ROBO2: variants seen among roughly 807,000 people sequenced by gnomAD.
The protein encoded by ROBO2 is roundabout guidance receptor 2, also known as roundabout homolog 2.
ROBO2 carries 53 observed loss-of-function variants against 160.8 expected under a neutral mutation model. That is an observed-to-expected ratio of 0.33 (90% CI 0.26 to 0.41). The LOEUF (loss-of-function observed/expected upper bound fraction) is 0.41, where lower values mean the gene tolerates loss of function less well. Ranked by LOEUF, ROBO2 falls within the 10% of genes least tolerant of loss-of-function variation. ROBO2 has a pLI of 1.00. For synonymous variants in ROBO2, 664 were observed against 611.7 expected, an observed-to-expected ratio of 1.09 and a Z score of -1.26; for missense variants, 1,577 against 1,722.4, an observed-to-expected ratio of 0.92 and a Z score of 1.49.
chr3:77,180,416 C>CTCTCTCTCTCTCTCTCTATATATA (rs1433740534), intron 2 of ROBO2, among the ~76,000 whole-genome samples: 133 of 90,640 alleles, frequency 1.5e-3, no homozygotes, highest in Non-Finnish European at 2.5e-3. Flanking sequence ...CTCTCTCTCT[C>CTCTCTCTCTCTCTCTCTATATATA]TATATATATA....
At chr3:77,466,687 G>A (rs930021360) in intron 2 of ROBO2, among the ~76,000 whole-genome samples, 13 of 152,146 alleles carry the variant, frequency 8.5e-5, no homozygotes, top group African/African-American at 2.9e-4. Flanking sequence ...AAAGTAACTG[G>A]CAAAGAAGGT....
At chr3:76,061,199 C>T (rs775135284) in intron 2 of ROBO2, among the ~76,000 whole-genome samples, 2 of 152,154 alleles carry the variant, frequency 1.3e-5, no homozygotes, top group Non-Finnish European at 2.9e-5. Flanking sequence ...GTTATCATTC[C>T]TAAAACCAAT....
intron 2 of ROBO2, among the ~76,000 whole-genome samples, chr3:76,958,475 C>T (rs902614120): frequency 6.6e-6 from 1 of 152,230 alleles, no homozygotes; most frequent in African/African-American, 2.4e-5. Flanking sequence ...TGTAACTTTG[C>T]TGCAGTAATT....
At chr3:76,048,743 A>G (rs4856003) in intron 2 of ROBO2, among the ~76,000 whole-genome samples, 55,834 of 152,038 alleles carry the variant, frequency 0.37, 10,788 homozygotes, top group South Asian at 0.58. Context: ...AGGGCACACA[A>G]GAGCATCCAT....
chr3:77,231,162 C>T (rs138530248), intron 2 of ROBO2, among the ~76,000 whole-genome samples: 35 of 151,816 alleles, frequency 2.3e-4, no homozygotes, highest in Non-Finnish European at 4.3e-4. Flanking sequence ...TCCAGGAGTT[C>T]GAGACCCACC....
chr3:77,292,937 C>A (rs904145797), intron 2 of ROBO2, among the ~76,000 whole-genome samples: 2 of 142,590 alleles, frequency 1.4e-5, no homozygotes, highest in South Asian at 4.5e-4. Flanking sequence ...GTAAAATTGA[C>A]GATTAAACGG....
At chr3:77,563,882 G>A (rs547989233) in intron 11 of ROBO2, among the ~76,000 whole-genome samples, 3 of 151,964 alleles carry the variant, frequency 2.0e-5, no homozygotes, top group East Asian at 1.9e-4. Flanking sequence ...ATGTTTCCAC[G>A]TGTTATCTGA....
chr3:77,263,361 G>A (rs2058902940), intron 2 of ROBO2, among the ~76,000 whole-genome samples: 1 of 151,972 alleles, frequency 6.6e-6, no homozygotes, highest in Non-Finnish European at 1.5e-5. Context: ...CAAATATTAG[G>A]CCTAGTACCC....
At chr3:76,567,005 G>A (rs1047769508) in intron 2 of ROBO2, among the ~76,000 whole-genome samples, 2 of 152,102 alleles carry the variant, frequency 1.3e-5, no homozygotes, top group Non-Finnish European at 2.9e-5. Context: ...TTATCCATGG[G>A]AAAGAAAAAG....
chr3:76,551,078 G>A (rs2083388633), intron 2 of ROBO2, among the ~76,000 whole-genome samples: 1 of 152,078 alleles, frequency 6.6e-6, no homozygotes, highest in Non-Finnish European at 1.5e-5. Flanking sequence ...TGGTGGCCCA[G>A]AGTGAGAACT....
At chr3:76,672,443 G>A (rs902598946) in intron 2 of ROBO2, among the ~76,000 whole-genome samples, 4 of 151,896 alleles carry the variant, frequency 2.6e-5, no homozygotes, top group Non-Finnish European at 5.9e-5. Flanking sequence ...TGGAAGAAAG[G>A]GAAAACAGAT....
At chr3:76,994,356 C>T (rs1344243613) in intron 2 of ROBO2, among the ~76,000 whole-genome samples, 1 of 150,286 alleles carries the variant, frequency 6.7e-6, no homozygotes, top group East Asian at 2.0e-4. Flanking sequence ...CGGGAAAGCA[C>T]ATGTTGAGTC....
chr3:76,235,376 A>G (rs1329237640), intron 2 of ROBO2, among the ~76,000 whole-genome samples: 4 of 152,184 alleles, frequency 2.6e-5, no homozygotes, highest in Non-Finnish European at 2.9e-5. Flanking sequence ...CAGCATTGCC[A>G]GCAACCAAAG....
In ROBO2 at chr3:77,473,994, C is replaced by A. The variant is rs1414544360; in HGVS notation, c.389-3420C>A. The stretch of plus-strand genomic sequence containing the variant: ...AGGATGAAGTTGTTCTCCAAAGTTT[C>A]TTACCTGCCTAAAGTCCGGACCTAC... On this transcript the variant is annotated intron_variant, in intron 2 of 25. Coordinates refer to ENST00000461745, the Ensembl canonical transcript of ROBO2. Among the ~76,000 whole-genome samples the A allele has an allele frequency of 2.6e-5, 4 of 152,130 alleles. No individual in the cohort carries two copies. The East Asian group carries it at 7.7e-4, about 29-fold the overall frequency.
At chr3:76,106,006 C>A (rs753739804) in intron 2 of ROBO2, among the ~76,000 whole-genome samples, 88 of 152,106 alleles carry the variant, frequency 5.8e-4, no homozygotes, top group Non-Finnish European at 1.1e-3. Flanking sequence ...AATGTATACA[C>A]CATTTCATTT....
At chr3:76,884,585 A>T (rs2073694980) in intron 2 of ROBO2, among the ~76,000 whole-genome samples, 1 of 152,210 alleles carries the variant, frequency 6.6e-6, no homozygotes, top group African/African-American at 2.4e-5. Flanking sequence ...CTCAGTTCTC[A>T]GCTTTGCAAT....
intron 2 of ROBO2, among the ~76,000 whole-genome samples, chr3:76,209,370 G>A (rs1703001452): frequency 6.6e-6 from 1 of 152,016 alleles, no homozygotes; most frequent in Non-Finnish European, 1.5e-5. Context: ...TTTTATATTG[G>A]TATGAAAGTT....
At chr3:77,041,680 T>A (rs565959165) in intron 1 of ROBO2, among the ~76,000 whole-genome samples, 2 of 152,314 alleles carry the variant, frequency 1.3e-5, no homozygotes, top group African/African-American at 4.8e-5. Flanking sequence ...GTGGAAATAA[T>A]CATTAACATG....
intron 2 of ROBO2, among the ~76,000 whole-genome samples, chr3:77,006,101 A>G (rs1230882088): frequency 1.3e-5 from 2 of 152,056 alleles, no homozygotes; most frequent in Non-Finnish European, 1.5e-5. Flanking sequence ...TAAAGGGTAA[A>G]GACAGTCACT....
Sources: allele counts gnomAD v4.1 joint callset (sites outside exome capture counted in the v4.1 genomes callset), GRCh38; gene constraint gnomAD v4.1.1; transcripts MANE v1.5; gene names NCBI Gene and HGNC (gene_info 2026-07-23, HGNC 2026-07-21).